LRRTM4: variants seen among roughly 807,000 people sequenced by gnomAD.
LRRTM4 encodes the protein leucine rich repeat transmembrane neuronal 4.
A neutral mutation model predicts 47.6 loss-of-function variants in LRRTM4; 25 were observed. That is an observed-to-expected ratio of 0.53 (90% CI 0.38 to 0.73). The LOEUF is 0.73. LRRTM4 is among the 30% of genes least tolerant of loss of function. LRRTM4 has a pLI of 0.00. For missense variants in LRRTM4, 638 were observed against 713.4 expected, an observed-to-expected ratio of 0.89 and a Z score of 1.20; for synonymous variants, 311 against 269.5, an observed-to-expected ratio of 1.15 and a Z score of -1.51.
chr2:77,000,801 C>CT (rs140188864), intron 3 of LRRTM4, among the ~76,000 whole-genome samples: 3 of 151,974 alleles, frequency 2.0e-5, no homozygotes, highest in Admixed American at 1.3e-4. Context: ...AGGAAGATTC[C>CT]TTTTTTTCTT....
At chr2:77,016,417 G>A (rs1382194084) in intron 3 of LRRTM4, among the ~76,000 whole-genome samples, 1 of 151,320 alleles carries the variant, frequency 6.6e-6, no homozygotes, top group Non-Finnish European at 1.5e-5. Flanking sequence ...GGAAGAAGAT[G>A]GGCAAAAGAA....
At chr2:77,101,976 TC>T (rs2103912808) in intron 3 of LRRTM4, among the ~76,000 whole-genome samples, 2 of 152,338 alleles carry the variant, frequency 1.3e-5, no homozygotes, top group South Asian at 4.1e-4. Context: ...GGCATTCTCT[TC>T]CACTAAGATA....
rs187979817 is a variant in LRRTM4, at chr2:77,502,293, T to C, written c.1551+16025A>G. 3.0e-3 allele frequency among the ~76,000 whole-genome samples: 449 copies of C among 151,592 alleles called. 3 individuals are homozygous for C. The highest frequency in any genetic ancestry group is 0.011 in the African/African-American group (436 of 41,494). ...GATAATAAAAGTTATATAAATTTTT[T>C]AAATTTTTGCTTTTATGTATTTTAT... On this transcript the variant is annotated intron_variant, in intron 3 of 3. Coordinates refer to ENST00000409884, the MANE Select transcript of LRRTM4 (RefSeq NM_001134745.3).
intron 3 of LRRTM4, among the ~76,000 whole-genome samples, chr2:77,245,517 C>CAAAAAAAAAAA (rs770133274): frequency 1.2e-5 from 1 of 86,452 alleles, no homozygotes. Flanking sequence ...GACACTGCCT[C>CAAAAAAAAAAA]AAAAAAAAAA....
chr2:77,278,160 G>GCT (rs1332237055), intron 3 of LRRTM4, among the ~76,000 whole-genome samples: 6 of 152,054 alleles, frequency 3.9e-5, no homozygotes, highest in African/African-American at 1.4e-4. Flanking sequence ...CTCCTGTCTA[G>GCT]CACGTCTTCA....
At chr2:76,997,044 T>G (rs75687542) in intron 3 of LRRTM4, among the ~76,000 whole-genome samples, 104 of 152,224 alleles carry the variant, frequency 6.8e-4, no homozygotes, top group African/African-American at 2.5e-3. Context: ...CAAGTGATTT[T>G]GAGTATTTAT....
At chr2:77,191,938 G>C (rs1673680885) in intron 3 of LRRTM4, among the ~76,000 whole-genome samples, 2 of 151,694 alleles carry the variant, frequency 1.3e-5, no homozygotes, top group Admixed American at 6.6e-5. Flanking sequence ...TACAAATAAA[G>C]GTCTGCATAC....
At chr2:76,891,860 A>C (rs894987191) in intron 3 of LRRTM4, among the ~76,000 whole-genome samples, 1 of 151,750 alleles carries the variant, frequency 6.6e-6, no homozygotes, top group African/African-American at 2.4e-5. Flanking sequence ...AAGATTCATT[A>C]ATTTGACAAA....
chr2:76,892,395 C>G (rs1466466977), intron 3 of LRRTM4, among the ~76,000 whole-genome samples: 1 of 151,600 alleles, frequency 6.6e-6, no homozygotes, highest in Non-Finnish European at 1.5e-5. Context: ...TAAATAATTA[C>G]TATTATTTTA....
At chr2:76,844,621 G>T (rs1671786104) in intron 3 of LRRTM4, among the ~76,000 whole-genome samples, 1 of 152,090 alleles carries the variant, frequency 6.6e-6, no homozygotes, top group Non-Finnish European at 1.5e-5. Flanking sequence ...AGCAAACAAT[G>T]TACCATTTCC....
chr2:77,209,562 A>G (rs1674235977), intron 3 of LRRTM4, among the ~76,000 whole-genome samples: 1 of 152,222 alleles, frequency 6.6e-6, no homozygotes, highest in African/African-American at 2.4e-5. Context: ...GGTATTATCG[A>G]CAATGTTACA....
At chr2:77,378,305 G>A (rs1006094559) in intron 3 of LRRTM4, among the ~76,000 whole-genome samples, 1 of 151,818 alleles carries the variant, frequency 6.6e-6, no homozygotes. Context: ...CTAGTTTGGG[G>A]AGTATCTCCC....
chr2:77,160,251 A>G (rs1672675718), intron 3 of LRRTM4, among the ~76,000 whole-genome samples: 1 of 152,192 alleles, frequency 6.6e-6, no homozygotes, highest in East Asian at 1.9e-4. Context: ...AGACTTTTAT[A>G]TAACAATCAT....
intron 3 of LRRTM4, among the ~76,000 whole-genome samples, chr2:77,328,091 C>T (rs545729079): frequency 1.2e-4 from 18 of 152,264 alleles, no homozygotes; most frequent in Admixed American, 3.3e-4. Context: ...TTTCTTACTA[C>T]ATACTGTGCT....
chr2:76,848,439 C>A (rs181252914), intron 3 of LRRTM4, among the ~76,000 whole-genome samples: 1,624 of 152,176 alleles, frequency 0.011, 10 homozygotes, highest in Non-Finnish European at 0.018. Flanking sequence ...AGTCATTCAT[C>A]CACAAAACTT....
intron 3 of LRRTM4, among the ~76,000 whole-genome samples, chr2:77,261,320 T>C (rs1171473112): frequency 6.6e-6 from 1 of 152,132 alleles, no homozygotes; most frequent in Non-Finnish European, 1.5e-5. Flanking sequence ...GACACGGTCA[T>C]ATATGCTCTA....
chr2:76,864,026 C>T (rs565644371), intron 3 of LRRTM4, among the ~76,000 whole-genome samples: 1 of 152,258 alleles, frequency 6.6e-6, no homozygotes, highest in East Asian at 1.9e-4. Context: ...CAAAATACAT[C>T]CCACGTGGAG....
rs151165868 is a variant in LRRTM4 at position 76,977,908 on chromosome 2, G to A, written c.1552-228992C>T. On this transcript the variant is annotated intron_variant, in intron 3 of 3. Coordinates refer to ENST00000409884, the MANE Select transcript of LRRTM4 (RefSeq NM_001134745.3). ...TGAAAACAGTGGGATGTCCTTTTTTGATAAATATGTCTAAGAAAGAACTGA... is the reference window on the plus strand; with the variant it reads ...TGAAAACAGTGGGATGTCCTTTTTTAATAAATATGTCTAAGAAAGAACTGA... Among the ~76,000 whole-genome samples the A allele has an allele frequency of 3.8e-3, 573 of 152,020 alleles. 1 individual carries two copies. The highest frequency in any genetic ancestry group is 0.013 in the African/African-American group (548 of 41,536).
At chr2:76,982,324 C>T (rs1676639005) in intron 3 of LRRTM4, among the ~76,000 whole-genome samples, 1 of 152,048 alleles carries the variant, frequency 6.6e-6, no homozygotes, top group Admixed American at 6.6e-5. Flanking sequence ...ATATATTTCA[C>T]TCTGACAATG....
Sources: gnomAD v4.1 joint callset for allele counts (sites outside exome capture counted in the v4.1 genomes callset) on GRCh38, gnomAD v4.1.1 for gene constraint, MANE v1.5 for transcripts, NCBI Gene and HGNC (gene_info 2026-07-23, HGNC 2026-07-21) for gene names.